Variants in FGF2 observed in about 807,000 individuals in gnomAD.
FGF2 encodes fibroblast growth factor 2.
Under a neutral mutation model 15.9 loss-of-function variants are expected in FGF2, and 13 were observed. The ratio of observed to expected loss-of-function variants is 0.82; its 90% CI spans 0.53 to 1.30. The LOEUF (loss-of-function observed/expected upper bound fraction) is 1.30, where lower values mean the gene tolerates loss of function less well. FGF2 is among the 50% of genes most tolerant of loss of function. The pLI is 0.00. For synonymous variants in FGF2, 90 were observed against 78.4 expected (o/e 1.15, Z -0.78); for missense variants, 163 against 196.9 (o/e 0.83, Z 1.03).
intron 2 of FGF2, among the ~76,000 whole-genome samples, chr4:122,878,965 T>G (rs1420428885): frequency 1.3e-5 from 2 of 152,186 alleles, no homozygotes; most frequent in Admixed American, 6.5e-5. Flanking sequence ...GAAATTCAGG[T>G]AAAGATGTTC....
intron 1 of FGF2, among the ~76,000 whole-genome samples, chr4:122,851,543 C>T (rs931980997): frequency 5.3e-5 from 8 of 151,994 alleles, no homozygotes; most frequent in African/African-American, 9.7e-5. Context: ...TTCTGTTAGC[C>T]GAAATATGGC....
chr4:122,851,670 A>G (rs182035006), intron 1 of FGF2, among the ~76,000 whole-genome samples: 2 of 152,356 alleles, frequency 1.3e-5, no homozygotes, highest in African/African-American at 2.4e-5. Context: ...GAATGTGTTG[A>G]ACAGCTATTA....
intron 2 of FGF2, chr4:122,882,318 C>T (rs1251968346): frequency 6.6e-6 from 1 of 152,162 alleles, no homozygotes; most frequent in African/African-American, 2.4e-5. Context: ...AGAAATTGCT[C>T]TATCTTCAAG....
At chr4:122,848,309 C>T (rs1330971328) in intron 1 of FGF2, among the ~76,000 whole-genome samples, 1 of 152,206 alleles carries the variant, frequency 6.6e-6, no homozygotes, top group Non-Finnish European at 1.5e-5. Context: ...TCTGGTTTCT[C>T]TTGTCTTTCC....
At position 122,877,654 on chromosome 4, in the gene FGF2, C is replaced by T. The variant is rs112069237; in HGVS notation, c.282+1230C>T. Among the ~76,000 whole-genome samples the T allele has an allele frequency of 3.4e-3, 517 of 152,282 alleles. 1 individual carries two copies. Among genetic ancestry groups the T allele is most frequent in the Non-Finnish European group, 6.3e-3 (430 of 68,022 alleles). On this transcript the variant is annotated intron_variant, in intron 2 of 2. Coordinates refer to ENST00000644866, the MANE Select transcript of FGF2 (RefSeq NM_001361665.2). ...TAGGACATGTATGTAAATGTTTGTG[C>T]GTGTGTGTGTTTCACAGCTCTTACA...
chr4:122,876,543 C>T, intron 2 of FGF2, 119 bp downstream of exon 2: 1 of 731,020 alleles, frequency 1.4e-6, no homozygotes, highest in Non-Finnish European at 2.5e-6. Flanking sequence ...TCATAGTCAC[C>T]CTGTAAAATA....
chr4:122,856,155 T>C (rs2150773824), intron 1 of FGF2, among the ~76,000 whole-genome samples: 1 of 152,328 alleles, frequency 6.6e-6, no homozygotes, highest in South Asian at 2.1e-4. Flanking sequence ...AATAAAATCA[T>C]TGAAATTTAG....
chr4:122,844,495 T>C (rs1474672270), intron 1 of FGF2, among the ~76,000 whole-genome samples: 1 of 152,200 alleles, frequency 6.6e-6, no homozygotes, highest in Admixed American at 6.5e-5. Context: ...CATCTAGAAT[T>C]GTCAGTTATT....
intron 2 of FGF2, chr4:122,883,109 T>A (rs879108487): frequency 6.6e-6 from 1 of 152,234 alleles, no homozygotes; most frequent in Non-Finnish European, 1.5e-5. Context: ...AGAGGCATAG[T>A]CCTTCCCACT....
At chr4:122,844,677 C>T (rs1726073848) in intron 1 of FGF2, among the ~76,000 whole-genome samples, 1 of 149,740 alleles carries the variant, frequency 6.7e-6, no homozygotes, top group African/African-American at 2.5e-5. Flanking sequence ...TACTCTGTCA[C>T]CCAGGCTGGA....
chr4:122,837,964 T>C (rs1298650910), intron 1 of FGF2, among the ~76,000 whole-genome samples: 1 of 152,196 alleles, frequency 6.6e-6, no homozygotes, highest in Non-Finnish European at 1.5e-5. Flanking sequence ...AAGTGTTAGT[T>C]CTCCTTACAT....
intron 1 of FGF2, among the ~76,000 whole-genome samples, chr4:122,862,088 G>A (rs937875761): frequency 2.6e-5 from 4 of 152,134 alleles, no homozygotes; most frequent in Non-Finnish European, 4.4e-5. Flanking sequence ...TGTTCCTTAA[G>A]GCTAAAGACC....
intron 1 of FGF2, among the ~76,000 whole-genome samples, chr4:122,848,102 G>A (rs1311970115): frequency 6.6e-6 from 1 of 152,186 alleles, no homozygotes; most frequent in Non-Finnish European, 1.5e-5. Flanking sequence ...CCCTGGCTTG[G>A]GTAAGACCAA....
intron 1 of FGF2, among the ~76,000 whole-genome samples, chr4:122,846,720 ATT>A (rs1227199105): frequency 6.6e-6 from 1 of 152,212 alleles, no homozygotes; most frequent in Non-Finnish European, 1.5e-5. Flanking sequence ...GTATTTGTGA[ATT>A]TTTTAAAAGA....
At chr4:122,851,264 C>T (rs896905384) in intron 1 of FGF2, among the ~76,000 whole-genome samples, 1 of 152,144 alleles carries the variant, frequency 6.6e-6, no homozygotes, top group African/African-American at 2.4e-5. Context: ...AAACAATTTA[C>T]CAACCTGTGA....
rs1578485661 is a variant in FGF2, at chr4:122,893,948, G to C, written c.*1552G>C. ...ACAATTGTCACAGACAAAGATTTTT[G>C]TTCCAATACTCGTTTTGCCTCTATT... On this transcript the variant is annotated 3_prime_UTR_variant, in exon 3 of 3. Transcript: ENST00000644866. 6.6e-6 allele frequency: 1 copy of C among 152,256 alleles called. No individual in the cohort carries two copies. Among genetic ancestry groups the C allele is most frequent in the Middle Eastern group, 3.4e-3 (1 of 294 alleles). The allele number at this position is 152,256 out of a possible 1,614,324, so 9.4% of individuals were successfully genotyped here.
intron 1 of FGF2, among the ~76,000 whole-genome samples, chr4:122,850,996 T>A (rs1483788294): frequency 6.6e-6 from 1 of 152,184 alleles, no homozygotes; most frequent in Non-Finnish European, 1.5e-5. Context: ...ATAAGAAGAC[T>A]TTCTTTGGGG....
chr4:122,873,507 T>C (rs1726779721), intron 1 of FGF2, among the ~76,000 whole-genome samples: 1 of 152,246 alleles, frequency 6.6e-6, no homozygotes, highest in African/African-American at 2.4e-5. Context: ...CAGCAGCTAA[T>C]AAAAGTTTCT....
At chr4:122,891,424 C>CTTT (rs57602061) in intron 2 of FGF2, among the ~76,000 whole-genome samples, 22,154 of 134,946 alleles carry the variant, frequency 0.16, 1,993 homozygotes, top group East Asian at 0.37. Flanking sequence ...GCCAGCTATC[C>CTTT]TTTTTTTTTT....
Sources: allele counts gnomAD v4.1 joint callset (sites outside exome capture counted in the v4.1 genomes callset), GRCh38; gene constraint gnomAD v4.1.1; transcripts MANE v1.5; gene names NCBI Gene and HGNC (gene_info 2026-07-23, HGNC 2026-07-21).